Variants in FRS2 observed in about 807,000 individuals in gnomAD.
FRS2 encodes fibroblast growth factor receptor substrate 2.
FRS2 carries 8 observed loss-of-function variants against 43.9 expected under a neutral mutation model. The observed-to-expected ratio is 0.18, with a 90% CI of 0.11 to 0.33. The LOEUF (loss-of-function observed/expected upper bound fraction) is 0.33. FRS2 is among the 10% of genes least tolerant of loss of function. FRS2 has a pLI of 1.00. For synonymous variants in FRS2, 219 were observed against 220.3 expected (o/e 0.99, Z 0.05); for missense variants, 534 against 627.6 (o/e 0.85, Z 1.59).
intron 1 of FRS2, among the ~76,000 whole-genome samples, chr12:69,471,128 A>G (rs540132485): frequency 6.6e-6 from 1 of 152,232 alleles, no homozygotes; most frequent in South Asian, 2.1e-4. Context: ...TCGCTGTGGC[A>G]CCAGCATGCT....
intron 1 of FRS2, among the ~76,000 whole-genome samples, chr12:69,482,849 A>G (rs546958515): frequency 2.0e-5 from 3 of 152,184 alleles, no homozygotes; most frequent in African/African-American, 4.8e-5. Context: ...TTTTATTAAA[A>G]CCTGACTTAA....
Position 69,558,517 on chromosome 12 carries a change from G to C in FRS2, c.-121-3663G>C, listed in dbSNP as rs75414975. Among the ~76,000 whole-genome samples, 854 of 152,208 alleles carry C rather than the reference G, an allele frequency of 5.6e-3. 38 individuals carry two copies. The East Asian group carries it at 0.11, about 20-fold the overall frequency. On this transcript the variant is annotated intron_variant, in intron 3 of 8. Coordinates refer to ENST00000549921, the MANE Select transcript of FRS2 (RefSeq NM_001278356.2). ...ACATTCCAGCTCTAAGGAACTACCT[G>C]GTTCTCCTGGAGGAGGCCGTGTTGT...
chr12:69,473,280 A>C (rs185355259), intron 1 of FRS2, among the ~76,000 whole-genome samples: 2 of 152,220 alleles, frequency 1.3e-5, no homozygotes, highest in Non-Finnish European at 2.9e-5. Flanking sequence ...TTTGAATCCA[A>C]ATCTGTCTGG....
intron 1 of FRS2, among the ~76,000 whole-genome samples, chr12:69,502,093 G>C (rs1056417155): frequency 5.3e-5 from 8 of 152,090 alleles, no homozygotes; most frequent in African/African-American, 1.9e-4. Flanking sequence ...AGCTTCCTGA[G>C]TAGCTGGGTT....
chr12:69,476,753 C>CGGGGGG (rs60543134), intron 1 of FRS2, among the ~76,000 whole-genome samples: 2 of 80,106 alleles, frequency 2.5e-5, no homozygotes, highest in Non-Finnish European at 5.1e-5. Context: ...GGGGGAGGGA[C>CGGGGGG]GGGGGGGGGT....
intron 3 of FRS2, among the ~76,000 whole-genome samples, chr12:69,554,783 C>T (rs1327235570): frequency 6.6e-6 from 1 of 152,114 alleles, no homozygotes; most frequent in Non-Finnish European, 1.5e-5. Context: ...CAGCTCACTG[C>T]ACTGTTGGCC....
chr12:69,532,385 G>A lies in FRS2; in HGVS notation c.-122+329G>A, dbSNP rs574664759. Among the ~76,000 whole-genome samples the A allele has an allele frequency of 5.9e-5, 9 of 152,242 alleles. No individual in the cohort carries two copies. The South Asian group carries it at 1.7e-3, about 28-fold the overall frequency. On this transcript the variant is annotated intron_variant, in intron 3 of 8. Transcript: ENST00000549921. Reference sequence around the variant, plus strand: ...GGGCTCATTTATCTTTTACTCAGTGGACATTGCCTACGTGACTTGGAGGAG... The same window carrying A: ...GGGCTCATTTATCTTTTACTCAGTGAACATTGCCTACGTGACTTGGAGGAG...
At chr12:69,473,368 T>G (rs780965004) in intron 1 of FRS2, among the ~76,000 whole-genome samples, 6 of 152,192 alleles carry the variant, frequency 3.9e-5, no homozygotes, top group East Asian at 1.9e-4. Context: ...TTACAGAGAA[T>G]AAGACTTTTC....
At chr12:69,561,316 G>C (rs1593057293) in intron 3 of FRS2, among the ~76,000 whole-genome samples, 1 of 152,026 alleles carries the variant, frequency 6.6e-6, no homozygotes, top group South Asian at 2.1e-4. Flanking sequence ...AGTTGAAATT[G>C]TTGCATTTGA....
At chr12:69,543,291 T>C (rs545614300) in intron 3 of FRS2, among the ~76,000 whole-genome samples, 40 of 152,386 alleles carry the variant, frequency 2.6e-4, no homozygotes, top group Admixed American at 7.2e-4. Flanking sequence ...TTTATTGATA[T>C]GTTTGCACAT....
chr12:69,543,707 A>T (rs1343362808), intron 3 of FRS2, among the ~76,000 whole-genome samples: 2 of 152,228 alleles, frequency 1.3e-5, no homozygotes, highest in African/African-American at 2.4e-5. Flanking sequence ...GGAGCAAGCT[A>T]TGCTGATACC....
At chr12:69,519,878 G>A (rs754421144) in intron 1 of FRS2, among the ~76,000 whole-genome samples, 17 of 152,122 alleles carry the variant, frequency 1.1e-4, no homozygotes, top group East Asian at 1.9e-4. Context: ...ATATATGTGC[G>A]TATGTCTTTA....
intron 1 of FRS2, among the ~76,000 whole-genome samples, chr12:69,495,800 G>A (rs1423076455): frequency 2.4e-4 from 37 of 152,126 alleles, no homozygotes; most frequent in Non-Finnish European, 1.5e-5. Flanking sequence ...TACTTGGGTG[G>A]TGCACACCTG....
chr12:69,498,073 AT>A (rs1470774341), intron 1 of FRS2, among the ~76,000 whole-genome samples: 1 of 151,474 alleles, frequency 6.6e-6, no homozygotes, highest in Non-Finnish European at 1.5e-5. Flanking sequence ...ATTTTCTCTC[AT>A]TTTTTTATGT....
chr12:69,529,990 G>T (rs1459122331), intron 1 of FRS2, among the ~76,000 whole-genome samples: 1 of 152,024 alleles, frequency 6.6e-6, no homozygotes, highest in Non-Finnish European at 1.5e-5. Flanking sequence ...GGAGGCAGAG[G>T]TTGCAGTGAG....
In FRS2 at chr12:69,573,970, G is replaced by A. The variant is rs1443683015; in HGVS notation, c.577-35G>A. 4.2e-6 allele frequency: 6 copies of A among 1,426,354 alleles called. No homozygotes were observed. In the East Asian group the frequency reaches 1.4e-4, roughly 33 times the overall value. 88.4% of individuals were successfully genotyped at this position (1,426,354 alleles called of 1,614,324 possible). A position where few individuals can be genotyped will look rare whatever the true frequency, so the allele number is the denominator to read the frequency against. The stretch of plus-strand genomic sequence containing the variant: ...CTTTTTTTCAGTTTTGTTTTTTTAA[G>A]TAAGTTAACTAATTCACTTTCTGTT... On this transcript the variant is annotated intron_variant, in intron 8 of 8. Coordinates refer to ENST00000549921, the MANE Select transcript of FRS2 (RefSeq NM_001278356.2).
intron 3 of FRS2, among the ~76,000 whole-genome samples, chr12:69,545,681 A>G (rs1035621710): frequency 1.4e-5 from 2 of 145,760 alleles, no homozygotes; most frequent in African/African-American, 5.0e-5. Flanking sequence ...GCTTGAACCC[A>G]GGAGATGGAG....
At chr12:69,536,813 A>T (rs1008837869) in intron 3 of FRS2, among the ~76,000 whole-genome samples, 1 of 151,304 alleles carries the variant, frequency 6.6e-6, no homozygotes, top group African/African-American at 2.4e-5. Context: ...AAGTGTTCCT[A>T]CTGCCTCAGC....
chr12:69,540,127 C>T (rs1593017054), intron 3 of FRS2, among the ~76,000 whole-genome samples: 1 of 151,426 alleles, frequency 6.6e-6, no homozygotes, highest in East Asian at 1.9e-4. Context: ...GTGGTGCGCG[C>T]CTGTAGTTCC....
Sources: gnomAD v4.1 joint callset for allele counts (sites outside exome capture counted in the v4.1 genomes callset) on GRCh38, gnomAD v4.1.1 for gene constraint, MANE v1.5 for transcripts, NCBI Gene and HGNC (gene_info 2026-07-23, HGNC 2026-07-21) for gene names.